SLC35F4: variants seen among roughly 807,000 people sequenced by gnomAD.
SLC35F4 encodes the protein solute carrier family 35 member F4.
SLC35F4 carries 24 observed loss-of-function variants against 44.2 expected under a neutral mutation model. The ratio of observed to expected loss-of-function variants is 0.54; its 90% confidence interval spans 0.39 to 0.76. The LOEUF (loss-of-function observed/expected upper bound fraction) is 0.76, where lower values mean the gene tolerates loss of function less well. SLC35F4 is among the 30% of genes least tolerant of loss of function. The pLI is 0.00. For synonymous variants in SLC35F4, 238 were observed against 223.6 expected (o/e 1.06, Z -0.57); for missense variants, 562 against 586.1 (o/e 0.96, Z 0.42).
intron 1 of SLC35F4, among the ~76,000 whole-genome samples, chr14:57,699,794 G>C (rs1195152211): frequency 6.6e-6 from 1 of 152,026 alleles, no homozygotes; most frequent in East Asian, 1.9e-4. Flanking sequence ...GAAAAATGAG[G>C]TCCATATAAA....
chr14:57,850,145 T>C (rs558750174), intron 1 of SLC35F4, among the ~76,000 whole-genome samples: 10 of 152,316 alleles, frequency 6.6e-5, no homozygotes, highest in East Asian at 1.9e-4. Context: ...ATGAATGTCA[T>C]TGAAAAATAA....
chr14:57,641,426 C>T (rs1171703119), intron 1 of SLC35F4, among the ~76,000 whole-genome samples: 2 of 151,778 alleles, frequency 1.3e-5, no homozygotes, highest in South Asian at 2.1e-4. Context: ...GACTGGATGA[C>T]CCTAGTCAGC....
rs546225199 is a variant in SLC35F4, at chr14:57,776,324, A to T, written c.103+89399T>A. On this transcript the variant is annotated intron_variant, in intron 1 of 7. Transcript: ENST00000556826. ...CCCCTGCAAAATACTTTACAAGAAG[A>T]TCATCCCCAAGACATACAATTATCA... Among the ~76,000 whole-genome samples, 9 of 152,288 alleles carry T rather than the reference A, an allele frequency of 5.9e-5. No individual in the cohort carries two copies. In the East Asian group the frequency reaches 1.4e-3, roughly 23 times the overall value.
chr14:57,901,409 C>T (rs897296229), intron 1 of SLC35F4, among the ~76,000 whole-genome samples: 1 of 152,146 alleles, frequency 6.6e-6, no homozygotes, highest in African/African-American at 2.4e-5. Context: ...TGCCAGCAAA[C>T]TAATGCAGGA....
intron 1 of SLC35F4, among the ~76,000 whole-genome samples, chr14:57,685,957 G>T (rs555482139): frequency 3.3e-5 from 5 of 152,134 alleles, no homozygotes; most frequent in Non-Finnish European, 5.9e-5. Flanking sequence ...TAGTAAATAA[G>T]TTATGAGAGT....
intron 1 of SLC35F4, among the ~76,000 whole-genome samples, chr14:57,787,955 C>T (rs944534262): frequency 1.3e-5 from 2 of 152,114 alleles, no homozygotes; most frequent in Admixed American, 1.3e-4. Context: ...GGTCTAAATG[C>T]TCCACTTAAA....
intron 1 of SLC35F4, among the ~76,000 whole-genome samples, chr14:57,680,325 C>A (rs892168364): frequency 1.3e-5 from 2 of 152,040 alleles, no homozygotes; most frequent in Non-Finnish European, 2.9e-5. Context: ...ATTCAACAGC[C>A]CTTCATGCTA....
intron 1 of SLC35F4, among the ~76,000 whole-genome samples, chr14:57,956,951 A>G (rs1890248657): frequency 6.6e-6 from 1 of 152,196 alleles, no homozygotes; most frequent in African/African-American, 2.4e-5. Context: ...TATATACCCA[A>G]AGGATTATAA....
chr14:57,700,911 A>T (rs2075521366), intron 1 of SLC35F4, among the ~76,000 whole-genome samples: 1 of 152,120 alleles, frequency 6.6e-6, no homozygotes, highest in East Asian at 1.9e-4. Flanking sequence ...GTGTCAAACA[A>T]ACAAAAAAGC....
intron 1 of SLC35F4, among the ~76,000 whole-genome samples, chr14:57,610,261 A>G (rs539329068): frequency 5.9e-5 from 9 of 152,310 alleles, no homozygotes; most frequent in South Asian, 4.1e-4. Flanking sequence ...GAAATGTGCT[A>G]ATATAATGAC....
At chr14:57,584,226 A>C (rs2069521340) in intron 3 of SLC35F4, among the ~76,000 whole-genome samples, 1 of 152,186 alleles carries the variant, frequency 6.6e-6, no homozygotes, top group African/African-American at 2.4e-5. Context: ...TAGTATATAA[A>C]TGATTATAAA....
At chr14:57,705,174 A>C (rs1199116842) in intron 1 of SLC35F4, among the ~76,000 whole-genome samples, 2 of 152,214 alleles carry the variant, frequency 1.3e-5, no homozygotes, top group African/African-American at 4.8e-5. Context: ...AATAAATGCT[A>C]GCTAGTAAAA....
chr14:57,580,291 G>A (rs2069152733), intron 4 of SLC35F4: 1 of 158,278 alleles, frequency 6.3e-6, no homozygotes, highest in Non-Finnish European at 1.4e-5. Context: ...CAGCATTTGG[G>A]AGGGGGAAAG....
chr14:57,661,112 T>C (rs1342636410), intron 1 of SLC35F4, among the ~76,000 whole-genome samples: 1 of 152,200 alleles, frequency 6.6e-6, no homozygotes, highest in Non-Finnish European at 1.5e-5. Flanking sequence ...GTTACGAATA[T>C]TGGAGTAACC....
chr14:57,745,676 C>T (rs948250439), intron 1 of SLC35F4, among the ~76,000 whole-genome samples: 12 of 152,216 alleles, frequency 7.9e-5, no homozygotes, highest in East Asian at 1.9e-4. Flanking sequence ...GGCAGTGTGG[C>T]GATTCCTCAA....
At chr14:57,638,334 T>C (rs778503389) in intron 1 of SLC35F4, among the ~76,000 whole-genome samples, 6 of 152,154 alleles carry the variant, frequency 3.9e-5, no homozygotes, top group Admixed American at 6.6e-5. Flanking sequence ...TGTCACCTTC[T>C]GGTGTATAGG....
chr14:57,681,294 G>A (rs1034589497), intron 1 of SLC35F4, among the ~76,000 whole-genome samples: 2 of 152,014 alleles, frequency 1.3e-5, no homozygotes, highest in African/African-American at 4.8e-5. Context: ...TTTAATAAAT[G>A]GTGTTGGGAA....
intron 1 of SLC35F4, among the ~76,000 whole-genome samples, chr14:57,970,139 T>C (rs990059645): frequency 2.0e-5 from 3 of 152,288 alleles, no homozygotes; most frequent in African/African-American, 7.2e-5. Context: ...AAATATAAAA[T>C]ACAAAATGGG....
chr14:57,610,832 C>T (rs559493305), intron 1 of SLC35F4, among the ~76,000 whole-genome samples: 2 of 152,180 alleles, frequency 1.3e-5, no homozygotes, highest in Non-Finnish European at 2.9e-5. Flanking sequence ...TGATAGGTAC[C>T]ATGCAGACCC....
Sources: allele counts gnomAD v4.1 joint callset (sites outside exome capture counted in the v4.1 genomes callset), GRCh38; gene constraint gnomAD v4.1.1; transcripts MANE v1.5; gene names NCBI Gene and HGNC (gene_info 2026-07-23, HGNC 2026-07-21).